PDE6A: variants seen among roughly 807,000 people sequenced by gnomAD.
PDE6A encodes rod cGMP-specific 3',5'-cyclic phosphodiesterase subunit alpha.
A neutral mutation model predicts 106.3 loss-of-function variants in PDE6A; 84 were observed. The observed-to-expected ratio is 0.79, with a 90% CI of 0.66 to 0.95. PDE6A has a LOEUF of 0.95. Ranked by LOEUF, PDE6A falls within the 40% of genes least tolerant of loss-of-function variation. The pLI, the probability that PDE6A is intolerant of heterozygous loss-of-function variation, is 0.00. For missense variants in PDE6A, 1,052 were observed against 1,084.9 expected (o/e 0.97, Z 0.43); for synonymous variants, 394 against 386.6 (o/e 1.02, Z -0.23).
intron 13 of PDE6A, among the ~76,000 whole-genome samples, chr5:149,891,143 A>T (rs1385303257): frequency 6.6e-6 from 1 of 152,214 alleles, no homozygotes; most frequent in Non-Finnish European, 1.5e-5. Flanking sequence ...GACAGAAATG[A>T]TGACAAAATA....
intron 17 of PDE6A, among the ~76,000 whole-genome samples, chr5:149,872,985 G>A (rs1760615606): frequency 1.3e-5 from 2 of 152,160 alleles, no homozygotes; most frequent in South Asian, 2.1e-4. Flanking sequence ...GCACAGCATG[G>A]ATAAGCAGGG....
In PDE6A at chr5:149,921,659, A is replaced by G; in HGVS notation, c.909T>C (p.Ser303=). 6.2e-7 allele frequency: 1 copy of G among 1,613,994 alleles called. No homozygotes were observed. The highest frequency in any genetic ancestry group is 8.5e-7 in the Non-Finnish European group (1 of 1,179,834). The change falls in exon 5 of 22, where the codon TCT becomes TCC. Residue 303 remains serine (S), a synonymous_variant. Coordinates refer to ENST00000255266, the MANE Select transcript of PDE6A (RefSeq NM_000440.3). Reference sequence around the variant, plus strand: ...CTCTTCCATCCGGAGTCCTGGGACCAGAGTAAGGTGGAACTTCACCCATCA... The same window carrying G: ...CTCTTCCATCCGGAGTCCTGGGACCGGAGTAAGGTGGAACTTCACCCATCA... ...PVLMGEVPPY[S]GPRTPDGREI...
At chr5:149,933,895 G>A (rs553811613) in intron 3 of PDE6A, 35 bp downstream of exon 3, 17 of 1,463,272 alleles carry the variant, frequency 1.2e-5, no homozygotes, top group South Asian at 6.9e-5. Context: ...GGGAAAGGAC[G>A]AGTCAAGTCC....
Position 149,895,248 on chromosome 5 carries a change from T to C in PDE6A, c.1663A>G (p.Lys555Glu), listed in dbSNP as rs1360838844. 6.2e-7 allele frequency: 1 copy of C among 1,614,166 alleles called. No individual in the cohort carries two copies. Among genetic ancestry groups the C allele is most frequent in the Non-Finnish European group, 8.5e-7 (1 of 1,179,992 alleles). The change falls in exon 13 of 22, where the codon AAG (lysine) becomes GAG (glutamate). Residue 555 changes from lysine to glutamate, a missense_variant. Lys to Glu is a moderately conservative substitution (Grantham distance 56). Coordinates refer to ENST00000255266, the MANE Select transcript of PDE6A (RefSeq NM_000440.3). Reference protein sequence around the residue: ...FMYSLSKGYRKITYHNWRHGF... With the variant: ...FMYSLSKGYREITYHNWRHGF... ...TGCCGCCAGTTGTGGTAGGTGATCT[T>C]GCGGTAGCCCTTACTCAGGGAGTAC...
intron 14 of PDE6A, among the ~76,000 whole-genome samples, chr5:149,885,325 A>G (rs767048799): frequency 9.2e-5 from 14 of 152,260 alleles, no homozygotes; most frequent in Non-Finnish European, 1.5e-4. Context: ...GCATGAATTC[A>G]GAGCTTGTTA....
At chr5:149,909,036 C>A (rs549772436) in intron 6 of PDE6A, among the ~76,000 whole-genome samples, 2 of 152,030 alleles carry the variant, frequency 1.3e-5, no homozygotes, top group East Asian at 3.9e-4. Context: ...TCCTCTTATT[C>A]TTTTTTTCAA....
chr5:149,888,328 G>C (rs1752394370), intron 13 of PDE6A, among the ~76,000 whole-genome samples: 1 of 151,908 alleles, frequency 6.6e-6, no homozygotes, highest in Non-Finnish European at 1.5e-5. Flanking sequence ...CAGATTGCTG[G>C]TGTGACAGAC....
At chr5:149,872,319 T>C (rs781494061) in intron 17 of PDE6A, among the ~76,000 whole-genome samples, 15 of 152,238 alleles carry the variant, frequency 9.9e-5, no homozygotes, top group Non-Finnish European at 2.2e-4. Flanking sequence ...AGCAGTTTCC[T>C]ATGGGTCAAT....
chr5:149,930,356 C>G (rs1446870344), intron 4 of PDE6A, among the ~76,000 whole-genome samples: 2 of 152,212 alleles, frequency 1.3e-5, no homozygotes, highest in East Asian at 3.9e-4. Context: ...CAAAATGAAA[C>G]TGGCTGGAAT....
At chr5:149,901,727 G>T (rs971311440) in intron 8 of PDE6A, among the ~76,000 whole-genome samples, 8 of 152,192 alleles carry the variant, frequency 5.3e-5, no homozygotes, top group Non-Finnish European at 7.3e-5. Context: ...GCAACCCTCA[G>T]CAAGTCTTCA....
rs1753232600 is a variant in PDE6A, at chr5:149,907,395, C to A, written c.999-17G>T. Reference sequence around the variant, plus strand: ...GGTGGATTCCTGTGAAGGCCAAAGACAAAACGGTGACTCTCAGTGCAGGGA... The same window carrying A: ...GGTGGATTCCTGTGAAGGCCAAAGAAAAAACGGTGACTCTCAGTGCAGGGA... On this transcript the variant is annotated splice_polypyrimidine_tract_variant and intron_variant, in intron 6 of 21. Transcript: ENST00000255266. 1 of 1,608,228 alleles carries A rather than the reference C, an allele frequency of 6.2e-7. No individual in the cohort carries two copies. The highest frequency in any genetic ancestry group is 8.5e-7 in the Non-Finnish European group (1 of 1,174,636).
intron 9 of PDE6A, among the ~76,000 whole-genome samples, chr5:149,899,042 CT>C (rs1205668378): frequency 6.6e-6 from 1 of 151,876 alleles, no homozygotes. Flanking sequence ...CTTTTTTTAA[CT>C]TTTTGTAGAA....
chr5:149,894,509 G>C (rs1465486631), intron 13 of PDE6A, among the ~76,000 whole-genome samples: 1 of 151,764 alleles, frequency 6.6e-6, no homozygotes, highest in East Asian at 1.9e-4. Context: ...GACTTGCATT[G>C]CCAGGCTAAC....
chr5:149,901,856 T>C (rs1181967833), intron 8 of PDE6A, among the ~76,000 whole-genome samples: 1 of 152,254 alleles, frequency 6.6e-6, no homozygotes, highest in African/African-American at 2.4e-5. Context: ...TAATTCTGAC[T>C]TTTCTGAGTC....
At chr5:149,882,257 C>T (rs1001706056) in intron 17 of PDE6A, among the ~76,000 whole-genome samples, 2 of 151,890 alleles carry the variant, frequency 1.3e-5, no homozygotes, top group African/African-American at 2.4e-5. Flanking sequence ...TTGCTGCTGC[C>T]CCCCCCGTTT....
rs150003610 is a variant in PDE6A at position 149,860,726 on chromosome 5, A to G, written c.*169T>C. 2.9e-3 allele frequency: 1,638 copies of G among 563,558 alleles called. 19 individuals are homozygous for G. Among genetic ancestry groups the G allele is most frequent in the African/African-American group, 0.026 (1,400 of 53,570 alleles). 34.9% of individuals were successfully genotyped at this position (563,558 alleles called of 1,614,324 possible). On this transcript the variant is annotated 3_prime_UTR_variant, in exon 22 of 22. Coordinates refer to ENST00000255266, the MANE Select transcript of PDE6A (RefSeq NM_000440.3). ...TGTGTGACCCAAGACAATTCTTCCA[A>G]TGTGGCCCAGGGAAGCCAAAAGATT...
intron 4 of PDE6A, among the ~76,000 whole-genome samples, chr5:149,927,331 G>T (rs1318112918): frequency 6.6e-6 from 1 of 152,162 alleles, no homozygotes; most frequent in Non-Finnish European, 1.5e-5. Context: ...GGACATTACT[G>T]TACGCTACTA....
Position 149,944,218 on chromosome 5 carries a change from G to A in PDE6A, c.456C>T (p.Asn152=), listed in dbSNP as rs149256612. The change falls in exon 1 of 22, where the codon AAC becomes AAT. Residue 152 remains asparagine (N), a synonymous_variant. Transcript: ENST00000255266. ...GHVAHSKKIA[N]VPNTEEDEHF... ...AGAGTACCTCCTCTGTGTTGGGGAC[G>A]TTAGCAATCTTCTTAGAGTGTGCGA... 9.7e-5 allele frequency: 157 copies of A among 1,613,396 alleles called. 2 individuals carry two copies. Among genetic ancestry groups the A allele is most frequent in the South Asian group, 8.5e-4 (77 of 91,034 alleles).
intron 14 of PDE6A, 110 bp downstream of exon 14, chr5:149,886,155 G>C: frequency 1.3e-6 from 1 of 797,332 alleles, no homozygotes; most frequent in Non-Finnish European, 2.2e-6. Flanking sequence ...AAGGCGGTGG[G>C]AAGCTGTGGA....
Sources: gnomAD v4.1 joint callset for allele counts (sites outside exome capture counted in the v4.1 genomes callset) on GRCh38, gnomAD v4.1.1 for gene constraint, MANE v1.5 for transcripts, NCBI Gene and HGNC (gene_info 2026-07-23, HGNC 2026-07-21) for gene names.